Variants in MTUS2 observed in about 807,000 individuals in gnomAD.
The protein encoded by MTUS2 is microtubule-associated tumor suppressor candidate 2.
Under a neutral mutation model 114.1 loss-of-function variants are expected in MTUS2, and 40 were observed. The observed-to-expected ratio is 0.35, with a 90% CI of 0.27 to 0.46. MTUS2 has a LOEUF of 0.46. MTUS2 is among the 20% of genes least tolerant of loss of function. The probability of loss-of-function intolerance (pLI) is 1.00; values close to 1 mark genes in which losing one functional copy is unlikely to be tolerated. For missense variants in MTUS2, 1,679 were observed against 1,705.4 expected, an observed-to-expected ratio of 0.98 and a Z score of 0.27; for synonymous variants, 688 against 672.0, an observed-to-expected ratio of 1.02 and a Z score of -0.37.
intron 4 of MTUS2, among the ~76,000 whole-genome samples, chr13:29,036,839 T>TTTC (rs1887100250): frequency 6.6e-6 from 1 of 151,882 alleles, no homozygotes. Flanking sequence ...CCCTTGTCTT[T>TTTC]TTTTTTGGTT....
intron 2 of MTUS2, among the ~76,000 whole-genome samples, chr13:28,882,047 G>A (rs759559972): frequency 1.9e-4 from 29 of 152,218 alleles, no homozygotes; most frequent in Non-Finnish European, 3.1e-4. Context: ...CTCACACCAT[G>A]TGTACAAAAA....
chr13:28,998,813 T>C (rs1385820847), intron 2 of MTUS2, among the ~76,000 whole-genome samples: 1 of 152,172 alleles, frequency 6.6e-6, no homozygotes, highest in Non-Finnish European at 1.5e-5. Context: ...TCAAAGTTTT[T>C]AACTTCTTTG....
intron 5 of MTUS2, among the ~76,000 whole-genome samples, chr13:29,127,894 T>C (rs1891588091): frequency 6.6e-6 from 1 of 152,220 alleles, no homozygotes; most frequent in African/African-American, 2.4e-5. Flanking sequence ...GTTTATTGAA[T>C]TTTGGGGGTA....
At chr13:29,502,360 G>A (rs555629623) in intron 15 of MTUS2, among the ~76,000 whole-genome samples, 115 of 152,332 alleles carry the variant, frequency 7.5e-4, no homozygotes, top group African/African-American at 2.6e-3. Context: ...AGCCTTTATC[G>A]GCAAACATTA....
intron 2 of MTUS2, among the ~76,000 whole-genome samples, chr13:28,901,072 T>G (rs1879617700): frequency 6.6e-6 from 1 of 152,204 alleles, no homozygotes; most frequent in Non-Finnish European, 1.5e-5. Context: ...TTTTTGCCAT[T>G]TTGATAAATG....
At chr13:29,284,091 T>C (rs1898380093) in intron 6 of MTUS2, among the ~76,000 whole-genome samples, 1 of 152,178 alleles carries the variant, frequency 6.6e-6, no homozygotes, top group African/African-American at 2.4e-5. Context: ...CTGACAAGAA[T>C]ATAGTACATG....
At position 29,311,431 on chromosome 13, in the gene MTUS2, TATA is replaced by T. The variant is rs371192828; in HGVS notation, c.2807-13181_2807-13179del. Among the ~76,000 whole-genome samples, 650 of 152,326 alleles carry T rather than the reference TATA, an allele frequency of 4.3e-3. 5 individuals are homozygous for T. Among genetic ancestry groups the T allele is most frequent in the African/African-American group, 0.015 (603 of 41,560 alleles). On this transcript the variant is annotated intron_variant, in intron 6 of 15. Coordinates refer to ENST00000612955, the MANE Select transcript of MTUS2 (RefSeq NM_001033602.4). The stretch of plus-strand genomic sequence containing the variant: ...ATAATAGATATGTTTAAAACTATAT[TATA>T]GTAGTTGATTAAGAAAAATATGTGA...
At chr13:29,360,694 C>G (rs923998341) in intron 8 of MTUS2, among the ~76,000 whole-genome samples, 7 of 138,800 alleles carry the variant, frequency 5.0e-5, no homozygotes, top group Non-Finnish European at 6.4e-5. Context: ...GAACACCCCC[C>G]CCCCCCCGTA....
chr13:28,914,911 T>C (rs879894539), intron 2 of MTUS2, among the ~76,000 whole-genome samples: 4 of 151,872 alleles, frequency 2.6e-5, no homozygotes, highest in Admixed American at 6.6e-5. Flanking sequence ...ACTAGTATTG[T>C]GACCCCTGCT....
At chr13:29,478,380 T>C (rs1056534943) in intron 9 of MTUS2, among the ~76,000 whole-genome samples, 5 of 152,196 alleles carry the variant, frequency 3.3e-5, no homozygotes, top group African/African-American at 1.2e-4. Flanking sequence ...GAGGTTCATG[T>C]TCAGCAGGTC....
At chr13:29,023,457 A>G (rs1248139766) in intron 2 of MTUS2, among the ~76,000 whole-genome samples, 1 of 152,208 alleles carries the variant, frequency 6.6e-6, no homozygotes, top group African/African-American at 2.4e-5. Context: ...TCTCCTTCTC[A>G]TATGCACACA....
At chr13:29,209,726 T>C (rs957935366) in intron 5 of MTUS2, among the ~76,000 whole-genome samples, 2 of 152,218 alleles carry the variant, frequency 1.3e-5, no homozygotes, top group African/African-American at 4.8e-5. Context: ...GGCTGACAAA[T>C]TGTTTTGTTT....
chr13:29,494,911 C>T (rs1292337616), intron 12 of MTUS2, among the ~76,000 whole-genome samples: 2 of 151,888 alleles, frequency 1.3e-5, no homozygotes, highest in Admixed American at 1.3e-4. Flanking sequence ...GTGGGTCAGG[C>T]ACATTGGCTC....
intron 8 of MTUS2, among the ~76,000 whole-genome samples, chr13:29,389,320 C>CGTGTGT (rs1566172254): frequency 1.7e-4 from 11 of 66,020 alleles, no homozygotes; most frequent in Non-Finnish European, 2.4e-4. Flanking sequence ...TATGTATACA[C>CGTGTGT]ATATGTGTGT....
intron 2 of MTUS2, among the ~76,000 whole-genome samples, chr13:28,991,961 C>A (rs1409337069): frequency 6.6e-6 from 1 of 152,192 alleles, no homozygotes; most frequent in Non-Finnish European, 1.5e-5. Context: ...CTAGGCTTGG[C>A]TGAAGCTGCT....
At chr13:29,185,587 C>G (rs923671782) in intron 5 of MTUS2, among the ~76,000 whole-genome samples, 9 of 152,130 alleles carry the variant, frequency 5.9e-5, no homozygotes, top group African/African-American at 2.2e-4. Context: ...GCTGATTTCT[C>G]CCCCCCAAAA....
intron 2 of MTUS2, among the ~76,000 whole-genome samples, chr13:29,012,740 G>T (rs1187092653): frequency 1.3e-5 from 2 of 152,102 alleles, no homozygotes; most frequent in African/African-American, 4.8e-5. Context: ...CGGGCATGGT[G>T]GTGGGCGCCT....
chr13:29,369,879 A>G (rs3125691), intron 8 of MTUS2, among the ~76,000 whole-genome samples: 146,768 of 152,258 alleles, frequency 0.96, 70,900 homozygotes, highest in East Asian at 1. Flanking sequence ...GTTTCAGGTT[A>G]AAACTCAGGG....
chr13:28,949,852 G>A (rs1428744105), intron 2 of MTUS2, among the ~76,000 whole-genome samples: 1 of 152,162 alleles, frequency 6.6e-6, no homozygotes, highest in Non-Finnish European at 1.5e-5. Context: ...TTTATCTGTT[G>A]GTGAACACTT....
Sources: gnomAD v4.1 joint callset for allele counts (sites outside exome capture counted in the v4.1 genomes callset) on GRCh38, gnomAD v4.1.1 for gene constraint, MANE v1.5 for transcripts, NCBI Gene and HGNC (gene_info 2026-07-23, HGNC 2026-07-21) for gene names.